ZNF846: variants seen among roughly 807,000 people sequenced by gnomAD.
The protein encoded by ZNF846 is zinc finger protein 420 pseudogene.
A neutral mutation model predicts 16.0 loss-of-function variants in ZNF846; 15 were observed. The ratio of observed to expected loss-of-function variants is 0.94; its 90% confidence interval spans 0.63 to 1.45. The LOEUF (loss-of-function observed/expected upper bound fraction) is 1.45. Among genes scored for constraint, ZNF846 ranks in the 40% most tolerant of loss-of-function variants. The pLI, the probability that ZNF846 is intolerant of heterozygous loss-of-function variation, is 0.00. For synonymous variants in ZNF846, 229 were observed against 212.0 expected (o/e 1.08, Z -0.70); for missense variants, 714 against 622.3 (o/e 1.15, Z -1.57).
chr19:9,756,298 T>C (rs2045133170), downstream of ZNF846: 1 of 145,308 alleles, frequency 6.9e-6, no homozygotes, highest in South Asian at 2.2e-4. Flanking sequence ...AAATAATACA[T>C]ACGTGTGTGT....
downstream of ZNF846, chr19:9,756,339 G>GTA (rs2045134413): frequency 3.2e-5 from 2 of 63,382 alleles, no homozygotes; most frequent in Non-Finnish European, 5.4e-5. Flanking sequence ...GTGTGTGTGT[G>GTA]TGTGTGTATA....
At chr19:9,756,343 GTGTATATATATATA>G (rs1386018380), downstream of ZNF846, 75 of 71,188 alleles carry the variant, frequency 1.1e-3, 2 homozygotes, top group Middle Eastern at 7.1e-3. Flanking sequence ...GTGTGTGTGT[GTGTATATATATATA>G]TATATATATA....
upstream of ZNF846, chr19:9,768,781 C>T (rs1050080687): frequency 1.3e-5 from 2 of 152,336 alleles, no homozygotes; most frequent in Non-Finnish European, 2.9e-5. Context: ...TTGCGCACGG[C>T]ATTAAGTGTA....
upstream of ZNF846, among the ~76,000 whole-genome samples, chr19:9,772,895 T>C (rs2045400770): frequency 6.6e-6 from 1 of 151,748 alleles, no homozygotes; most frequent in Non-Finnish European, 1.5e-5. Context: ...GGGCAACATG[T>C]TGAAACCCCA....
At chr19:9,775,678 T>G (rs1568329437) in intron 1 of ZNF846, among the ~76,000 whole-genome samples, 1 of 152,198 alleles carries the variant, frequency 6.6e-6, no homozygotes, top group African/African-American at 2.4e-5. Context: ...GAATGATTTT[T>G]GGGTGATTAA....
At chr19:9,773,731 G>A (rs1405912831) in intron 1 of ZNF846, among the ~76,000 whole-genome samples, 4 of 152,056 alleles carry the variant, frequency 2.6e-5, no homozygotes, top group South Asian at 2.1e-4. Context: ...GCAGTGAGCC[G>A]AGATTGCACC....
chr19:9,749,491 TATA>T (rs887874506), downstream of ZNF846, among the ~76,000 whole-genome samples: 23 of 151,934 alleles, frequency 1.5e-4, no homozygotes, highest in East Asian at 9.6e-4. Context: ...TTGCAGTGGA[TATA>T]ATATCTTCAG....
chr19:9,762,307 A>G (rs2045244336), intron 3 of ZNF846, 139 bp from the exon 4 acceptor site: 7 of 660,980 alleles, frequency 1.1e-5, no homozygotes, highest in Non-Finnish European at 1.9e-5. Flanking sequence ...TAATCATATA[A>G]CATTTCCAAT....
At chr19:9,783,544 A>ATATATATAT (rs59645706) in intron 1 of ZNF846, among the ~76,000 whole-genome samples, 1 of 108,838 alleles carries the variant, frequency 9.2e-6, no homozygotes, top group East Asian at 2.3e-4. Context: ...AAAAAAAAAA[A>ATATATATAT]ATATATATAT....
chr19:9,779,622 G>A (rs1033644324), intron 1 of ZNF846, among the ~76,000 whole-genome samples: 2 of 150,934 alleles, frequency 1.3e-5, no homozygotes, highest in Non-Finnish European at 2.9e-5. Context: ...CCAGGCTAGA[G>A]TGTAATGGCG....
At chr19:9,753,430 T>C (rs535973619), downstream of ZNF846, among the ~76,000 whole-genome samples, 13 of 149,778 alleles carry the variant, frequency 8.7e-5, no homozygotes, top group Middle Eastern at 3.4e-3. Flanking sequence ...TTTTTTTTTT[T>C]TTTTAAGTAG....
downstream of ZNF846, chr19:9,756,842 T>C (rs1472262888): frequency 6.6e-6 from 1 of 151,876 alleles, no homozygotes; most frequent in Non-Finnish European, 1.5e-5. Flanking sequence ...TTGTGAAGTA[T>C]TTTAAGGCTA....
In ZNF846 at chr19:9,759,956, A is replaced by G; in HGVS notation, c.230-14T>C. The G allele has an allele frequency of 6.2e-7, 1 of 1,605,200 alleles. No homozygotes were observed. The highest frequency in any genetic ancestry group is 8.5e-7 in the Non-Finnish European group (1 of 1,173,914). On this transcript the variant is annotated splice_polypyrimidine_tract_variant and intron_variant, in intron 4 of 5. Coordinates refer to ENST00000397902, the Ensembl canonical transcript of ZNF846. ...GCAAATCCAATTCTGAAATAAAGTG[A>G]AAAATGCAGCTTGGGAGAAAAATTG...
intron 1 of ZNF846, chr19:9,785,790 C>A (rs1243435359): frequency 1.1e-5 from 1 of 92,332 alleles, no homozygotes; most frequent in Non-Finnish European, 2.3e-5. Flanking sequence ...CCATCTCCCC[C>A]TCACCGAGGC....
At position 9,761,747 on chromosome 19, in the gene ZNF846, T is replaced by A. The variant is rs537040399; in HGVS notation, c.229+335A>T. Among the ~76,000 whole-genome samples, 3 of 150,738 alleles carry A rather than the reference T, an allele frequency of 2.0e-5. No homozygotes were observed. The Admixed American group carries it at 2.0e-4, about 10-fold the overall frequency. On this transcript the variant is annotated intron_variant, in intron 4 of 5. Transcript: ENST00000397902. ...AAACCTGTATTACTTATTATCCAAC[T>A]AATAATATGCAGAAAACTGAGGCTG...
At chr19:9,776,215 T>G (rs956117725) in intron 1 of ZNF846, among the ~76,000 whole-genome samples, 4 of 151,790 alleles carry the variant, frequency 2.6e-5, no homozygotes, top group African/African-American at 4.8e-5. Context: ...CCCGGGGGGG[T>G]TTATAGAAGA....
At position 9,764,930 on chromosome 19, in the gene ZNF846, A is replaced by T; in HGVS notation, c.15+6T>A. On this transcript the variant is annotated splice_donor_region_variant and intron_variant, in intron 2 of 5. Transcript: ENST00000397902. ...CATTTTGAAGTTAGGTCTGCTTTCC[A>T]CTTGCCTGAGAAGAATCCATCAGTA... is the stretch of plus-strand genomic sequence containing the variant. 6.2e-7 allele frequency: 1 copy of T among 1,614,142 alleles called. No homozygotes were observed. Among genetic ancestry groups the T allele is most frequent in the Non-Finnish European group, 8.5e-7 (1 of 1,180,000 alleles).
At chr19:9,783,619 T>C (rs1220772211) in intron 1 of ZNF846, among the ~76,000 whole-genome samples, 6 of 148,802 alleles carry the variant, frequency 4.0e-5, no homozygotes, top group Non-Finnish European at 7.4e-5. Context: ...TTCACCAGGC[T>C]GGTCTCCAAC....
intron 1 of ZNF846, chr19:9,774,519 T>A (rs993754227): frequency 1.6e-6 from 2 of 1,255,096 alleles, no homozygotes; most frequent in Admixed American, 3.4e-5. Flanking sequence ...AGGAGGCTGA[T>A]TAAGAGCTTG....
Sources: allele counts gnomAD v4.1 joint callset (sites outside exome capture counted in the v4.1 genomes callset), GRCh38; gene constraint gnomAD v4.1.1; transcripts MANE v1.5; gene names NCBI Gene and HGNC (gene_info 2026-07-23, HGNC 2026-07-21).